MAGI1: variants seen among roughly 807,000 people sequenced by gnomAD.
MAGI1 encodes membrane-associated guanylate kinase, WW and PDZ domain-containing protein 1.
MAGI1 carries 58 observed loss-of-function variants against 139.9 expected under a neutral mutation model. The observed-to-expected ratio is 0.41, with a 90% CI of 0.34 to 0.52. MAGI1 has a LOEUF of 0.52. Among genes scored for constraint, MAGI1 ranks in the 20% least tolerant of loss-of-function variants. The probability of loss-of-function intolerance (pLI) is 0.12; values close to 1 mark genes in which losing one functional copy is unlikely to be tolerated. For missense variants in MAGI1, 1,874 were observed against 1,901.6 expected (o/e 0.99, Z 0.27); for synonymous variants, 812 against 737.9 (o/e 1.10, Z -1.63).
chr3:65,603,124 G>T (rs577150439), intron 2 of MAGI1, among the ~76,000 whole-genome samples: 1 of 152,050 alleles, frequency 6.6e-6, no homozygotes, highest in Non-Finnish European at 1.5e-5. Context: ...CCTAGCTACT[G>T]CAAAGAAAAA....
intron 1 of MAGI1, among the ~76,000 whole-genome samples, chr3:65,980,632 G>C (rs1365868619): frequency 6.6e-6 from 1 of 151,260 alleles, no homozygotes; most frequent in Non-Finnish European, 1.5e-5. Flanking sequence ...ATCAGTAGCT[G>C]AGGTGCAGAC....
intron 2 of MAGI1, among the ~76,000 whole-genome samples, chr3:65,587,589 C>T (rs1036588107): frequency 1.1e-4 from 17 of 150,332 alleles, no homozygotes; most frequent in Non-Finnish European, 2.5e-4. Flanking sequence ...GCTTCCACCT[C>T]CCAGCTTCCA....
intron 2 of MAGI1, among the ~76,000 whole-genome samples, chr3:65,548,328 T>C (rs1178705239): frequency 6.6e-6 from 1 of 151,998 alleles, no homozygotes; most frequent in Non-Finnish European, 1.5e-5. Flanking sequence ...GAGGGGCAGT[T>C]GGCACACAGC....
At chr3:65,390,943 C>T (rs1422834258) in intron 14 of MAGI1, among the ~76,000 whole-genome samples, 199 bp downstream of exon 14, 3 of 152,140 alleles carry the variant, frequency 2.0e-5, no homozygotes, top group African/African-American at 7.2e-5. Flanking sequence ...CCACTTCTAC[C>T]CCCTCCCCAA....
At chr3:65,732,591 AAAC>A (rs1324142975) in intron 1 of MAGI1, among the ~76,000 whole-genome samples, 4 of 152,236 alleles carry the variant, frequency 2.6e-5, no homozygotes, top group Non-Finnish European at 5.9e-5. Flanking sequence ...CTTACCTAGA[AAAC>A]AAGAATGTGA....
intron 1 of MAGI1, among the ~76,000 whole-genome samples, chr3:65,851,922 T>C (rs947760398): frequency 2.0e-5 from 3 of 152,192 alleles, no homozygotes; most frequent in Non-Finnish European, 2.9e-5. Flanking sequence ...AGATATTGCA[T>C]AGTTTTGATC....
intron 1 of MAGI1, among the ~76,000 whole-genome samples, chr3:65,906,993 T>C (rs2061463079): frequency 1.3e-5 from 2 of 151,620 alleles, no homozygotes; most frequent in Non-Finnish European, 2.9e-5. Flanking sequence ...AGAAATGAGA[T>C]TTCCCTTTTG....
chr3:65,994,808 C>G (rs1462983737), intron 1 of MAGI1, among the ~76,000 whole-genome samples: 2 of 152,152 alleles, frequency 1.3e-5, no homozygotes, highest in African/African-American at 4.8e-5. Flanking sequence ...AGGGGACTCT[C>G]TAGGCACATG....
At chr3:65,669,988 T>C (rs866206676) in intron 1 of MAGI1, among the ~76,000 whole-genome samples, 1 of 152,210 alleles carries the variant, frequency 6.6e-6, no homozygotes, top group African/African-American at 2.4e-5. Flanking sequence ...TAAAATGAAT[T>C]ATCCATTTGT....
At chr3:65,410,542 A>G (rs1945713482) in intron 12 of MAGI1, among the ~76,000 whole-genome samples, 1 of 152,234 alleles carries the variant, frequency 6.6e-6, no homozygotes, top group South Asian at 2.1e-4. Context: ...CATACATACC[A>G]AATGCATTTA....
intron 1 of MAGI1, among the ~76,000 whole-genome samples, chr3:65,963,466 A>C (rs997514990): frequency 6.6e-6 from 1 of 152,068 alleles, no homozygotes; most frequent in African/African-American, 2.4e-5. Context: ...AAACACAAAA[A>C]TTCGCTGGGC....
At chr3:65,918,379 A>ATTTTTT (rs34906725) in intron 1 of MAGI1, among the ~76,000 whole-genome samples, 50 of 128,688 alleles carry the variant, frequency 3.9e-4, no homozygotes, top group African/African-American at 8.4e-4. Flanking sequence ...GCTCCAAAAC[A>ATTTTTT]TTTTTTTTTT....
chr3:65,968,302 T>C (rs987002222), intron 1 of MAGI1, among the ~76,000 whole-genome samples: 3 of 152,066 alleles, frequency 2.0e-5, no homozygotes, highest in Non-Finnish European at 4.4e-5. Flanking sequence ...TGCATAAAGA[T>C]CAAAATACAA....
At chr3:65,497,437 C>T (rs1387453941) in intron 2 of MAGI1, among the ~76,000 whole-genome samples, 2 of 152,164 alleles carry the variant, frequency 1.3e-5, no homozygotes, top group African/African-American at 4.8e-5. Context: ...AAACAGTCTA[C>T]ATCACACTGG....
intron 6 of MAGI1, among the ~76,000 whole-genome samples, chr3:65,449,211 C>G (rs887990050): frequency 6.6e-5 from 10 of 152,014 alleles, no homozygotes; most frequent in Non-Finnish European, 1.5e-4. Flanking sequence ...CAACATGGCA[C>G]ATGTATACAT....
intron 1 of MAGI1, among the ~76,000 whole-genome samples, chr3:65,997,782 C>T (rs530241990): frequency 1.3e-5 from 2 of 152,314 alleles, no homozygotes; most frequent in South Asian, 4.1e-4. Context: ...TCCACACACA[C>T]CCTCTCCCCC....
intron 2 of MAGI1, among the ~76,000 whole-genome samples, chr3:65,540,960 T>G (rs1037805293): frequency 6.6e-6 from 1 of 152,144 alleles, no homozygotes; most frequent in Non-Finnish European, 1.5e-5. Flanking sequence ...TGTTACTAAA[T>G]CTGGATGGTG....
At chr3:65,609,400 C>G (rs1280827913) in intron 2 of MAGI1, among the ~76,000 whole-genome samples, 2 of 151,814 alleles carry the variant, frequency 1.3e-5, no homozygotes, top group Non-Finnish European at 2.9e-5. Flanking sequence ...GCCTCAGCCT[C>G]CCAACTAGCT....
At chr3:65,542,753 G>A (rs1444705919) in intron 2 of MAGI1, among the ~76,000 whole-genome samples, 5 of 152,034 alleles carry the variant, frequency 3.3e-5, no homozygotes, top group Non-Finnish European at 5.9e-5. Context: ...AAATTAACTC[G>A]AGATGGAGTA....
Sources: gnomAD v4.1 joint callset for allele counts (sites outside exome capture counted in the v4.1 genomes callset) on GRCh38, gnomAD v4.1.1 for gene constraint, MANE v1.5 for transcripts, NCBI Gene and HGNC (gene_info 2026-07-23, HGNC 2026-07-21) for gene names.